PPP2R2B: variants seen among roughly 807,000 people sequenced by gnomAD.
The protein encoded by PPP2R2B is serine/threonine-protein phosphatase 2A 55 kDa regulatory subunit B beta isoform.
A neutral mutation model predicts 46.0 loss-of-function variants in PPP2R2B; 5 were observed. That is an observed-to-expected ratio of 0.11 (90% CI 0.06 to 0.23). The LOEUF (loss-of-function observed/expected upper bound fraction) is 0.23. Ranked by LOEUF, PPP2R2B falls within the 10% of genes least tolerant of loss-of-function variation. The probability of loss-of-function intolerance (pLI) is 1.00; values close to 1 mark genes in which losing one functional copy is unlikely to be tolerated. For synonymous variants in PPP2R2B, 215 were observed against 206.7 expected (o/e 1.04, Z -0.34); for missense variants, 367 against 575.0 (o/e 0.64, Z 3.70).
intron 2 of PPP2R2B, among the ~76,000 whole-genome samples, chr5:146,710,244 T>C (rs914668827): frequency 2.0e-5 from 3 of 152,174 alleles, no homozygotes; most frequent in Non-Finnish European, 4.4e-5. Flanking sequence ...GAGCCAAGCT[T>C]TCCCTGCTAA....
intron 2 of PPP2R2B, among the ~76,000 whole-genome samples, chr5:146,828,972 C>T (rs543515541): frequency 2.0e-5 from 3 of 152,174 alleles, no homozygotes; most frequent in East Asian, 3.9e-4. Flanking sequence ...GACAGCCTTC[C>T]GAATCAGGAA....
intron 2 of PPP2R2B, among the ~76,000 whole-genome samples, chr5:147,078,648 TA>T (rs1004431038): frequency 1.7e-4 from 25 of 149,924 alleles, no homozygotes; most frequent in African/African-American, 2.9e-4. Context: ...AAATAAAAAT[TA>T]AAAAAAAATA....
Position 146,676,078 on chromosome 5 carries a change from A to T in PPP2R2B, c.447+15050T>A, listed in dbSNP as rs1032169480. Among the ~76,000 whole-genome samples the T allele has an allele frequency of 3.3e-5, 5 of 152,024 alleles. No homozygotes were observed. In the East Asian group the frequency reaches 9.7e-4, roughly 29 times the overall value. On this transcript the variant is annotated intron_variant, in intron 5 of 9. Coordinates refer to ENST00000394411, the MANE Select transcript of PPP2R2B (RefSeq NM_181675.4). Reference sequence around the variant, plus strand: ...GAAACCCGGTGGAGGCCATGCCCTGACATGTATTGAAACAATGGCAGCTGG... The same window carrying T: ...GAAACCCGGTGGAGGCCATGCCCTGTCATGTATTGAAACAATGGCAGCTGG...
intron 1 of PPP2R2B, among the ~76,000 whole-genome samples, chr5:146,932,947 C>A (rs1407174212): frequency 6.6e-6 from 1 of 152,124 alleles, no homozygotes; most frequent in Non-Finnish European, 1.5e-5. Context: ...GTGGAGGTAT[C>A]AAAGAAGCTT....
rs1350306366 is a variant in PPP2R2B, at chr5:146,638,556, G to C, written c.626-141C>G. 4 of 780,920 alleles carry C rather than the reference G, an allele frequency of 5.1e-6. No homozygotes were observed. In the East Asian group the frequency reaches 1.2e-4, roughly 23 times the overall value. 48.4% of individuals were successfully genotyped at this position (780,920 alleles called of 1,614,324 possible). A position where few individuals can be genotyped will look rare whatever the true frequency, so the allele number is the denominator to read the frequency against. ...CATGGTAGATCCTCATCATAAACTTGTCCCAGGCAGATGAGGCTCAGGAAC... is the reference window on the plus strand; with the variant it reads ...CATGGTAGATCCTCATCATAAACTTCTCCCAGGCAGATGAGGCTCAGGAAC... On this transcript the variant is annotated intron_variant, in intron 6 of 9. Transcript: ENST00000394411.
At chr5:146,630,346 C>T (rs997276589) in intron 7 of PPP2R2B, among the ~76,000 whole-genome samples, 5 of 152,172 alleles carry the variant, frequency 3.3e-5, no homozygotes, top group Non-Finnish European at 5.9e-5. Flanking sequence ...CTGAAATGAC[C>T]TCGGTTATTT....
intron 1 of PPP2R2B, among the ~76,000 whole-genome samples, chr5:146,929,958 C>T (rs1180123505): frequency 1.3e-5 from 2 of 152,092 alleles, no homozygotes; most frequent in Non-Finnish European, 2.9e-5. Flanking sequence ...ATATAAATGC[C>T]TGTGATCTGC....
intron 5 of PPP2R2B, among the ~76,000 whole-genome samples, chr5:146,659,827 T>C (rs1561811229): frequency 6.6e-6 from 1 of 152,242 alleles, no homozygotes; most frequent in Non-Finnish European, 1.5e-5. Flanking sequence ...ATTATTAGCA[T>C]TCTTACCATT....
intron 1 of PPP2R2B, among the ~76,000 whole-genome samples, chr5:146,937,411 G>A (rs1009741633): frequency 7.9e-5 from 12 of 152,192 alleles, no homozygotes; most frequent in African/African-American, 2.4e-4. Flanking sequence ...TTTATGTCAC[G>A]CTACCTCCAC....
intron 2 of PPP2R2B, among the ~76,000 whole-genome samples, chr5:146,708,478 T>G (rs1289936907): frequency 6.6e-6 from 1 of 151,802 alleles, no homozygotes; most frequent in Non-Finnish European, 1.5e-5. Context: ...CTAAAGGTTT[T>G]GACAAATGCA....
intron 1 of PPP2R2B, among the ~76,000 whole-genome samples, chr5:146,963,326 C>T (rs573423930): frequency 6.6e-6 from 1 of 152,170 alleles, no homozygotes; most frequent in African/African-American, 2.4e-5. Context: ...TCCTCCCAAA[C>T]ATTTTTATTC....
At chr5:146,668,440 C>T (rs1364645389) in intron 5 of PPP2R2B, among the ~76,000 whole-genome samples, 2 of 152,170 alleles carry the variant, frequency 1.3e-5, no homozygotes, top group African/African-American at 2.4e-5. Context: ...CCCCACTTCC[C>T]TGCCAATCTT....
intron 1 of PPP2R2B, among the ~76,000 whole-genome samples, chr5:146,954,547 C>A (rs191032968): frequency 6.6e-6 from 1 of 152,138 alleles, no homozygotes; most frequent in Admixed American, 6.6e-5. Context: ...AGACTACAAA[C>A]TGGGTGCAGT....
chr5:146,706,406 G>GTGGTCT, intron 2 of PPP2R2B: 1 of 816,254 alleles, frequency 1.2e-6, no homozygotes, highest in South Asian at 1.3e-5. Flanking sequence ...ATAGCCGCTG[G>GTGGTCT]TGGTCTTCGT....
At chr5:146,676,758 A>C (rs1228712513) in intron 5 of PPP2R2B, among the ~76,000 whole-genome samples, 1 of 152,180 alleles carries the variant, frequency 6.6e-6, no homozygotes, top group Non-Finnish European at 1.5e-5. Flanking sequence ...GTTCACTTCT[A>C]TAACTCCAGG....
At chr5:146,922,934 G>A (rs1244092605) in intron 1 of PPP2R2B, among the ~76,000 whole-genome samples, 3 of 152,156 alleles carry the variant, frequency 2.0e-5, no homozygotes, top group African/African-American at 7.2e-5. Flanking sequence ...ATAAAGATCC[G>A]GAAGATAGTG....
intron 2 of PPP2R2B, among the ~76,000 whole-genome samples, chr5:146,758,438 A>C (rs1304456803): frequency 6.6e-6 from 1 of 152,228 alleles, no homozygotes; most frequent in East Asian, 1.9e-4. Flanking sequence ...ACATCTGTCC[A>C]AGTATTTTAT....
At chr5:146,989,950 T>C (rs1464462396) in intron 1 of PPP2R2B, among the ~76,000 whole-genome samples, 1 of 151,410 alleles carries the variant, frequency 6.6e-6, no homozygotes, top group African/African-American at 2.4e-5. Context: ...TATATGCTAA[T>C]AATGAACTAT....
intron 1 of PPP2R2B, among the ~76,000 whole-genome samples, chr5:146,917,540 G>A (rs1582422407): frequency 6.6e-6 from 1 of 152,168 alleles, no homozygotes; most frequent in South Asian, 2.1e-4. Context: ...TTTATATAGA[G>A]GTTCAAAGTT....
Sources: allele counts gnomAD v4.1 joint callset (sites outside exome capture counted in the v4.1 genomes callset), GRCh38; gene constraint gnomAD v4.1.1; transcripts MANE v1.5; gene names NCBI Gene and HGNC (gene_info 2026-07-23, HGNC 2026-07-21).